The following ATF2 variants were observed in gnomAD, a reference collection of about 807,000 sequenced individuals.
ATF2 encodes the protein cyclic AMP-dependent transcription factor ATF-2.
ATF2 carries 24 observed loss-of-function variants against 60.6 expected under a neutral mutation model. The observed-to-expected ratio is 0.40, with a 90% CI of 0.29 to 0.56. The LOEUF is 0.56. ATF2 is among the 20% of genes least tolerant of loss of function. The pLI, the probability that ATF2 is intolerant of heterozygous loss-of-function variation, is 0.54. For missense variants in ATF2, 433 were observed against 607.7 expected (o/e 0.71, Z 3.02); for synonymous variants, 206 against 215.4 (o/e 0.96, Z 0.38).
intron 10 of ATF2, among the ~76,000 whole-genome samples, chr2:175,108,217 C>A (rs1298561226): frequency 3.4e-4 from 52 of 151,708 alleles, no homozygotes; most frequent in African/African-American, 1.2e-3. Context: ...CGCCGCCCGG[C>A]AGCCGCCCCA....
chr2:175,082,442 T>C (rs923751280), intron 12 of ATF2, among the ~76,000 whole-genome samples: 1 of 152,198 alleles, frequency 6.6e-6, no homozygotes, highest in Non-Finnish European at 1.5e-5. Flanking sequence ...AATGACACTA[T>C]TGATGAAACC....
intron 12 of ATF2, among the ~76,000 whole-genome samples, chr2:175,081,749 T>A (rs940653601): frequency 9.9e-5 from 15 of 152,160 alleles, no homozygotes; most frequent in Non-Finnish European, 1.6e-4. Flanking sequence ...AGCAGAAAGC[T>A]GAATGTAAAA....
At chr2:175,165,860 T>C (rs1173080118) in intron 1 of ATF2, among the ~76,000 whole-genome samples, 1 of 152,188 alleles carries the variant, frequency 6.6e-6, no homozygotes, top group Non-Finnish European at 1.5e-5. Context: ...GAGACGGGGT[T>C]TCACCGTGTT....
At chr2:175,142,363 T>C (rs1038655986) in intron 2 of ATF2, among the ~76,000 whole-genome samples, 7 of 151,918 alleles carry the variant, frequency 4.6e-5, no homozygotes. Flanking sequence ...GAGATGGGGT[T>C]TCACCATGTT....
intron 4 of ATF2, among the ~76,000 whole-genome samples, chr2:175,124,688 C>A (rs1403106246): frequency 1.3e-5 from 2 of 150,902 alleles, no homozygotes; most frequent in African/African-American, 2.5e-5. Flanking sequence ...CGCACACACT[C>A]CCACACATAC....
At chr2:175,160,024 T>A (rs1699918229) in intron 1 of ATF2, among the ~76,000 whole-genome samples, 1 of 152,210 alleles carries the variant, frequency 6.6e-6, no homozygotes, top group Non-Finnish European at 1.5e-5. Context: ...ATTACAGTAA[T>A]TCATAGTCAT....
intron 4 of ATF2, among the ~76,000 whole-genome samples, chr2:175,128,625 A>G (rs980998873): frequency 6.6e-5 from 10 of 152,190 alleles, no homozygotes; most frequent in Admixed American, 5.2e-4. Flanking sequence ...ATACCTTCAT[A>G]ATCTAAAGGC....
intron 1 of ATF2, among the ~76,000 whole-genome samples, chr2:175,158,228 T>G (rs528052286): frequency 7.3e-5 from 11 of 150,576 alleles, no homozygotes; most frequent in Non-Finnish European, 1.6e-4. Context: ...GTATTTTGAA[T>G]TCAGGATTTT....
chr2:175,161,732 A>G (rs1462093680), intron 1 of ATF2, among the ~76,000 whole-genome samples: 1 of 151,690 alleles, frequency 6.6e-6, no homozygotes, highest in Non-Finnish European at 1.5e-5. Context: ...CATAAGACAG[A>G]ACTATGAAAT....
intron 10 of ATF2, among the ~76,000 whole-genome samples, chr2:175,106,819 G>C (rs576883895): frequency 6.6e-6 from 1 of 152,314 alleles, no homozygotes; most frequent in East Asian, 1.9e-4. Context: ...CTGGGCGACA[G>C]AGCAAGACTC....
At chr2:175,102,085 AT>A (rs1430089723) in intron 10 of ATF2, among the ~76,000 whole-genome samples, 5 of 152,210 alleles carry the variant, frequency 3.3e-5, no homozygotes, top group African/African-American at 1.2e-4. Context: ...TAAAAAAAAA[AT>A]CAATGAAAAC....
At chr2:175,076,357 C>T (rs547291628) in intron 13 of ATF2, among the ~76,000 whole-genome samples, 16 of 152,038 alleles carry the variant, frequency 1.1e-4, no homozygotes, top group Non-Finnish European at 7.4e-5. Flanking sequence ...ACCACCACCA[C>T]CAACCACCAG....
At chr2:175,097,012 C>G (rs1194337481) in intron 11 of ATF2, among the ~76,000 whole-genome samples, 2 of 152,156 alleles carry the variant, frequency 1.3e-5, no homozygotes, top group Non-Finnish European at 2.9e-5. Context: ...AATAAGAAAA[C>G]AAGATACAAT....
intron 1 of ATF2, among the ~76,000 whole-genome samples, chr2:175,157,869 T>G (rs980084195): frequency 1.6e-4 from 24 of 151,962 alleles, no homozygotes; most frequent in Non-Finnish European, 1.5e-5. Context: ...GGCAGGTGCC[T>G]GTAATCCCAG....
chr2:175,136,531 C>A (rs1170007887), intron 2 of ATF2, 45 bp from the exon 3 acceptor site: 12 of 1,246,510 alleles, frequency 9.6e-6, no homozygotes, highest in Admixed American at 2.0e-5. Flanking sequence ...AGTTCTGAAA[C>A]ACTTCTTGAA....
At chr2:175,106,950 G>C (rs548548827) in intron 10 of ATF2, among the ~76,000 whole-genome samples, 6 of 152,164 alleles carry the variant, frequency 3.9e-5, no homozygotes, top group Non-Finnish European at 8.8e-5. Flanking sequence ...GATTGCCTGA[G>C]CTCAGGAGTT....
chr2:175,135,207 C>A (rs372747619), intron 3 of ATF2, among the ~76,000 whole-genome samples: 2 of 151,972 alleles, frequency 1.3e-5, no homozygotes, highest in African/African-American at 2.4e-5. Context: ...TTTTTAAAAC[C>A]ATTAGGAGAA....
chr2:175,096,252 G>A (rs1694927309), intron 11 of ATF2, among the ~76,000 whole-genome samples: 1 of 152,108 alleles, frequency 6.6e-6, no homozygotes, highest in Admixed American at 6.6e-5. Context: ...AAGCACTGCA[G>A]GCATATAACA....
At chr2:175,098,177 T>G (rs1695067562) in intron 10 of ATF2, among the ~76,000 whole-genome samples, 1 of 152,252 alleles carries the variant, frequency 6.6e-6, no homozygotes, top group Non-Finnish European at 1.5e-5. Flanking sequence ...TAGCAACTGA[T>G]ATAATGATTT....
Sources: gnomAD v4.1 joint callset for allele counts (sites outside exome capture counted in the v4.1 genomes callset) on GRCh38, gnomAD v4.1.1 for gene constraint, MANE v1.5 for transcripts, NCBI Gene and HGNC (gene_info 2026-07-23, HGNC 2026-07-21) for gene names.